Variants in DHCR7 observed in about 807,000 individuals in gnomAD.
DHCR7 encodes the protein 7-dehydrocholesterol reductase.
Under a neutral mutation model 43.3 loss-of-function variants are expected in DHCR7, and 40 were observed. That is an observed-to-expected ratio of 0.92 (90% CI 0.72 to 1.20). DHCR7 has a LOEUF of 1.20. DHCR7 is among the 50% of genes most tolerant of loss of function. The pLI is 0.00. For synonymous variants in DHCR7, 298 were observed against 271.4 expected (o/e 1.10, Z -0.96); for missense variants, 608 against 644.6 (o/e 0.94, Z 0.62).
exon 3 of DHCR7, chr11:71,428,716 C>T (rs888766623): frequency 1.5e-5 from 6 of 411,374 alleles, no homozygotes; most frequent in Non-Finnish European, 2.9e-5. Flanking sequence ...CTGCAGCTCC[C>T]TGCAGTCCTG....
At chr11:71,438,162 C>A (rs1949308890) in intron 7 of DHCR7, among the ~76,000 whole-genome samples, 1 of 152,142 alleles carries the variant, frequency 6.6e-6, no homozygotes, top group South Asian at 2.1e-4. Flanking sequence ...ACCCCGAGCC[C>A]ATGGCCCTGG....
At chr11:71,439,619 C>T (rs769199811) in intron 6 of DHCR7, among the ~76,000 whole-genome samples, 66 of 152,278 alleles carry the variant, frequency 4.3e-4, no homozygotes, top group Middle Eastern at 3.4e-3. Flanking sequence ...GTTCTTTGAC[C>T]AGTTACCTGA....
At chr11:71,427,817 G>A (rs1949207497), downstream of DHCR7, among the ~76,000 whole-genome samples, 1 of 152,108 alleles carries the variant, frequency 6.6e-6, no homozygotes, top group Admixed American at 6.6e-5. Flanking sequence ...TACCAATCAG[G>A]GAAGCTCATT....
chr11:71,442,818 G>A (rs1326004661), intron 4 of DHCR7, among the ~76,000 whole-genome samples: 7 of 152,208 alleles, frequency 4.6e-5, no homozygotes, highest in Non-Finnish European at 8.8e-5. Flanking sequence ...CACCACACCC[G>A]GCTAAAATTC....
chr11:71,436,795 G>A (rs962367327), intron 8 of DHCR7, among the ~76,000 whole-genome samples: 5 of 152,094 alleles, frequency 3.3e-5, no homozygotes, highest in African/African-American at 9.7e-5. Flanking sequence ...TTTCTTACAC[G>A]TATACCCTCC....
chr11:71,433,530 T>C (rs964050255), downstream of DHCR7, among the ~76,000 whole-genome samples: 7 of 152,148 alleles, frequency 4.6e-5, no homozygotes, highest in Admixed American at 6.5e-5. Flanking sequence ...TCCCAGCAAA[T>C]TGGCCTGGAA....
chr11:71,442,735 C>T (rs2135946007), intron 4 of DHCR7, among the ~76,000 whole-genome samples: 1 of 152,284 alleles, frequency 6.6e-6, no homozygotes, highest in Middle Eastern at 3.4e-3. Flanking sequence ...TAGCTCACCG[C>T]AGCGTTGTCC....
rs1268000086 is a variant in DHCR7, at chr11:71,435,077, A to G, written c.*298T>C. The G allele has an allele frequency of 3.1e-5, 19 of 604,724 alleles. No individual in the cohort carries two copies. Among genetic ancestry groups the G allele is most frequent in the Non-Finnish European group, 4.3e-5 (14 of 321,880 alleles). 37.5% of individuals were successfully genotyped at this position (604,724 alleles called of 1,614,324 possible). A position where few individuals can be genotyped will look rare whatever the true frequency, so the allele number is the denominator to read the frequency against. ...TGGCCTGGGCTCCTAATACAGGTAA[A>G]TTGTCTCCAAAGGACTAGTAAAGGT... is the stretch of plus-strand genomic sequence containing the variant. On this transcript the variant is annotated 3_prime_UTR_variant, in exon 9 of 9. Transcript: ENST00000355527.
intron 6 of DHCR7, among the ~76,000 whole-genome samples, chr11:71,439,840 C>G (rs1949329839): frequency 6.6e-6 from 1 of 152,210 alleles, no homozygotes; most frequent in Non-Finnish European, 1.5e-5. Context: ...TTTCCAGGAG[C>G]CATTGAAGGC....
At chr11:71,433,168 A>C (rs1018286632), downstream of DHCR7, among the ~76,000 whole-genome samples, 2 of 152,240 alleles carry the variant, frequency 1.3e-5, no homozygotes, top group African/African-American at 4.8e-5. Flanking sequence ...TCATTCTGGA[A>C]GGGGGCAAAG....
chr11:71,444,561 C>T lies in DHCR7; in HGVS notation c.98+294G>A, dbSNP rs568560177. ...GCACGAAGTCCCCATGGTTCTATGG[C>T]GAAATGGGAGCTGTGACAATAGGTC... On this transcript the variant is annotated intron_variant, in intron 3 of 8. Coordinates refer to ENST00000355527, the MANE Select transcript of DHCR7 (RefSeq NM_001360.3). Among the ~76,000 whole-genome samples, 12 of 152,288 alleles carry T rather than the reference C, an allele frequency of 7.9e-5. No homozygotes were observed. In the South Asian group the frequency reaches 1.2e-3, roughly 16 times the overall value.
At position 71,441,491 on chromosome 11, in the gene DHCR7, G is replaced by C. The variant is rs759002405; in HGVS notation, c.413-51C>G. 21 of 1,461,332 alleles carry C rather than the reference G, an allele frequency of 1.4e-5. No individual in the cohort carries two copies. The African/African-American group carries it at 2.5e-4, about 18-fold the overall frequency. The allele number at this position is 1,461,332 out of a possible 1,614,324, so 90.5% of individuals were successfully genotyped here. A position where few individuals can be genotyped will look rare whatever the true frequency, so the allele number is the denominator to read the frequency against. On this transcript the variant is annotated intron_variant, in intron 5 of 8. Transcript: ENST00000355527. ...AGGCGCTTTCCCAACCCGCAGTGAG[G>C]AGCTTGGCTGGGCTGAAGCATGCCT...
At chr11:71,441,530 G>A (rs1591111654) in intron 5 of DHCR7, 90 bp from the exon 6 acceptor site, 6 of 1,131,794 alleles carry the variant, frequency 5.3e-6, no homozygotes, top group Non-Finnish European at 7.8e-6. Flanking sequence ...GGGGGCCCTG[G>A]TCACTTTCTG....
chr11:71,428,951 C>T (rs1949214407), intron 2 of DHCR7: 1 of 435,016 alleles, frequency 2.3e-6, no homozygotes, highest in Admixed American at 2.5e-5. Flanking sequence ...CCTCCCGCCT[C>T]CTCCTCACTT....
At chr11:71,433,082 G>A (rs1417204995), downstream of DHCR7, among the ~76,000 whole-genome samples, 1 of 152,224 alleles carries the variant, frequency 6.6e-6, no homozygotes, top group Admixed American at 6.5e-5. Context: ...CTGGATGCCT[G>A]CCCCTTATCA....
At chr11:71,432,076 T>C (rs371489347), downstream of DHCR7, among the ~76,000 whole-genome samples, 19 of 152,392 alleles carry the variant, frequency 1.2e-4, no homozygotes, top group East Asian at 1.9e-4. Context: ...TCTGCCCACA[T>C]TGGCCTCCCA....
intron 7 of DHCR7, among the ~76,000 whole-genome samples, chr11:71,438,401 G>A (rs1415230643): frequency 3.3e-5 from 5 of 151,986 alleles, no homozygotes; most frequent in Admixed American, 3.3e-4. Context: ...CACACTTTCT[G>A]GGTCTTGCTG....
intron 2 of DHCR7, among the ~76,000 whole-genome samples, chr11:71,429,160 T>C (rs1213494168): frequency 6.6e-6 from 1 of 152,226 alleles, no homozygotes; most frequent in Non-Finnish European, 1.5e-5. Flanking sequence ...TAGTTCTAAC[T>C]GGGCTTTGAC....
At chr11:71,444,746 TC>T in intron 3 of DHCR7, 108 bp downstream of exon 3, 2 of 931,102 alleles carry the variant, frequency 2.1e-6, no homozygotes, top group Non-Finnish European at 3.4e-6. Context: ...AAAAAAAAAA[TC>T]TTTTTTAAAA....
Sources: allele counts gnomAD v4.1 joint callset (sites outside exome capture counted in the v4.1 genomes callset), GRCh38; gene constraint gnomAD v4.1.1; transcripts MANE v1.5; gene names NCBI Gene and HGNC (gene_info 2026-07-23, HGNC 2026-07-21).